Variants in SSPN observed in about 807,000 individuals in gnomAD.
SSPN encodes the protein K-ras oncogene-associated protein.
In SSPN, 15 loss-of-function variants were observed where a neutral mutation model predicts 19.1. The observed-to-expected ratio is 0.78, with a 90% CI of 0.52 to 1.21. The LOEUF (loss-of-function observed/expected upper bound fraction) is 1.21, where lower values mean the gene tolerates loss of function less well. Among genes scored for constraint, SSPN ranks in the 50% most tolerant of loss-of-function variants. The probability of loss-of-function intolerance (pLI) is 0.00; values close to 1 mark genes in which losing one functional copy is unlikely to be tolerated. For missense variants in SSPN, 291 were observed against 314.0 expected (o/e 0.93, Z 0.55); for synonymous variants, 147 against 140.3 (o/e 1.05, Z -0.34).
intron 1 of SSPN, among the ~76,000 whole-genome samples, chr12:26,164,311 T>G (rs904412001): frequency 6.6e-6 from 1 of 152,362 alleles, no homozygotes; most frequent in Middle Eastern, 3.4e-3. Flanking sequence ...TGTTGGGTGC[T>G]AGAGTCTTTG....
At chr12:26,183,741 G>A (rs1021288151) in intron 1 of SSPN, among the ~76,000 whole-genome samples, 2 of 152,182 alleles carry the variant, frequency 1.3e-5, no homozygotes, top group African/African-American at 4.8e-5. Context: ...TATAAACAGG[G>A]AATGCCGCAA....
chr12:26,192,015 G>A (rs1350820744), upstream of SSPN, among the ~76,000 whole-genome samples: 3 of 152,302 alleles, frequency 2.0e-5, no homozygotes, highest in African/African-American at 7.2e-5. Flanking sequence ...ATTATTTCTA[G>A]TTGGGTTTCC....
At chr12:26,194,696 C>G (rs956988587), upstream of SSPN, among the ~76,000 whole-genome samples, 1 of 152,144 alleles carries the variant, frequency 6.6e-6, no homozygotes, top group Non-Finnish European at 1.5e-5. Flanking sequence ...AACAAATACA[C>G]GTGAGAGGCC....
intron 1 of SSPN, among the ~76,000 whole-genome samples, chr12:26,213,841 G>C (rs1945018344): frequency 6.6e-6 from 1 of 152,022 alleles, no homozygotes. Flanking sequence ...CAGCTGACAG[G>C]TTATCTATCT....
intron 1 of SSPN, among the ~76,000 whole-genome samples, chr12:26,147,568 G>C (rs895919012): frequency 6.6e-6 from 1 of 152,088 alleles, no homozygotes; most frequent in Non-Finnish European, 1.5e-5. Flanking sequence ...ACCACGCCCA[G>C]CCCAGCAATA....
At chr12:26,174,109 A>C (rs1249122788) in intron 1 of SSPN, among the ~76,000 whole-genome samples, 4 of 152,200 alleles carry the variant, frequency 2.6e-5, no homozygotes, top group African/African-American at 9.7e-5. Context: ...GAAGATAAAT[A>C]CACCCTGCTT....
intron 1 of SSPN, among the ~76,000 whole-genome samples, chr12:26,217,116 G>T (rs1260204914): frequency 2.9e-3 from 398 of 139,560 alleles, no homozygotes; most frequent in South Asian, 4.9e-3. Context: ...GTGAAGAAAG[G>T]CATTGGTAGC....
intron 1 of SSPN, chr12:26,181,091 A>C (rs1372300328): frequency 6.6e-6 from 1 of 152,232 alleles, no homozygotes; most frequent in South Asian, 2.1e-4. Flanking sequence ...ACTGCATGGA[A>C]TCTCAAACAA....
chr12:26,168,402 C>A (rs941455026), intron 1 of SSPN, among the ~76,000 whole-genome samples: 1 of 152,094 alleles, frequency 6.6e-6, no homozygotes, highest in Non-Finnish European at 1.5e-5. Context: ...GCCCAGTGTT[C>A]GGAGGTTGCA....
rs1193608376 is a variant in SSPN at position 26,232,159 on chromosome 12, G to C, written c.*1083G>C. 4 of 985,392 alleles carry C rather than the reference G, an allele frequency of 4.1e-6. No homozygotes were observed. In the African/African-American group the frequency reaches 7.0e-5, roughly 17 times the overall value. 61.0% of individuals were successfully genotyped at this position (985,392 alleles called of 1,614,324 possible). A position where few individuals can be genotyped will look rare whatever the true frequency, so the allele number is the denominator to read the frequency against. The stretch of plus-strand genomic sequence containing the variant: ...CCAATCTATGTTTGAGGAAGATTGG[G>C]TAATGCTGATGTGTTCCATTCATGA... On this transcript the variant is annotated 3_prime_UTR_variant, in exon 3 of 3. Transcript: ENST00000242729.
At chr12:26,149,363 G>A (rs1591850450) in intron 1 of SSPN, among the ~76,000 whole-genome samples, 2 of 151,856 alleles carry the variant, frequency 1.3e-5, no homozygotes, top group Admixed American at 6.6e-5. Flanking sequence ...CACTGTGAGA[G>A]CAAGAATTAT....
intron 1 of SSPN, among the ~76,000 whole-genome samples, chr12:26,216,314 C>T (rs539730237): frequency 3.3e-5 from 5 of 152,280 alleles, no homozygotes; most frequent in East Asian, 3.9e-4. Flanking sequence ...GTTAGAAATG[C>T]GAATTGTCAG....
intron 1 of SSPN, among the ~76,000 whole-genome samples, chr12:26,132,403 A>G (rs1244643155): frequency 1.3e-5 from 2 of 152,222 alleles, no homozygotes; most frequent in Non-Finnish European, 2.9e-5. Context: ...AGAAAGTGGA[A>G]TAATTATCCT....
chr12:26,125,357 TC>T (rs897249488), intron 1 of SSPN: 1 of 224,982 alleles, frequency 4.4e-6, no homozygotes, highest in Admixed American at 5.2e-5. Flanking sequence ...CCTGGGTTCG[TC>T]CGTTGTTACG....
At chr12:26,145,403 C>T (rs973594204) in intron 1 of SSPN, among the ~76,000 whole-genome samples, 119 of 152,138 alleles carry the variant, frequency 7.8e-4, no homozygotes, top group Non-Finnish European at 1.3e-4. Context: ...TCTGATTCAT[C>T]CAGTGTCAGG....
At chr12:26,179,102 T>C (rs1459339550) in intron 1 of SSPN, among the ~76,000 whole-genome samples, 3 of 152,084 alleles carry the variant, frequency 2.0e-5, no homozygotes, top group Non-Finnish European at 4.4e-5. Context: ...TGACCTAGGC[T>C]ATGGGTCAAT....
At chr12:26,194,896 G>A (rs532929054), upstream of SSPN, among the ~76,000 whole-genome samples, 3 of 152,198 alleles carry the variant, frequency 2.0e-5, no homozygotes, top group African/African-American at 4.8e-5. Flanking sequence ...AGACTGAGGA[G>A]AGAGAAGCTG....
At chr12:26,210,233 A>G (rs1944970784) in intron 1 of SSPN, among the ~76,000 whole-genome samples, 1 of 152,062 alleles carries the variant, frequency 6.6e-6, no homozygotes, top group South Asian at 2.1e-4. Context: ...TAAATCCCAG[A>G]CTTTATATCA....
chr12:26,203,437 G>A (rs1944903756), intron 1 of SSPN, among the ~76,000 whole-genome samples: 1 of 149,892 alleles, frequency 6.7e-6, no homozygotes. Context: ...AGCTTACAGT[G>A]AACTTCTTTT....
Sources: allele counts gnomAD v4.1 joint callset (sites outside exome capture counted in the v4.1 genomes callset), GRCh38; gene constraint gnomAD v4.1.1; transcripts MANE v1.5; gene names NCBI Gene and HGNC (gene_info 2026-07-23, HGNC 2026-07-21).